Variants in NPAS3 observed in about 807,000 individuals in gnomAD.
The protein encoded by NPAS3 is neuronal PAS domain protein 3.
In NPAS3, 14 loss-of-function variants were observed where a neutral mutation model predicts 73.1. The ratio of observed to expected loss-of-function variants is 0.19; its 90% CI spans 0.13 to 0.30. The LOEUF (loss-of-function observed/expected upper bound fraction) is 0.30. Among genes scored for constraint, NPAS3 ranks in the 10% least tolerant of loss-of-function variants. The probability of loss-of-function intolerance (pLI) is 1.00; values close to 1 mark genes in which losing one functional copy is unlikely to be tolerated. For missense variants in NPAS3, 1,096 were observed against 1,250.0 expected (o/e 0.88, Z 1.86); for synonymous variants, 620 against 541.5 (o/e 1.14, Z -2.01).
chr14:33,044,256 A>G (rs1274984079), intron 1 of NPAS3, among the ~76,000 whole-genome samples: 1 of 152,192 alleles, frequency 6.6e-6, no homozygotes, highest in Non-Finnish European at 1.5e-5. Flanking sequence ...ATTGGGGGTA[A>G]TTTATTGAAT....
chr14:33,150,414 G>C (rs563885428), intron 2 of NPAS3, among the ~76,000 whole-genome samples: 1 of 152,234 alleles, frequency 6.6e-6, no homozygotes, highest in Admixed American at 6.5e-5. Context: ...GCAATAAATT[G>C]GTAGGTTGCG....
chr14:33,645,574 G>A (rs562937168), intron 5 of NPAS3, among the ~76,000 whole-genome samples: 1 of 152,294 alleles, frequency 6.6e-6, no homozygotes, highest in South Asian at 2.1e-4. Context: ...CTAGGAAAAC[G>A]ATTCACTGAA....
intron 2 of NPAS3, among the ~76,000 whole-genome samples, chr14:33,201,311 G>C (rs1177913379): frequency 6.6e-6 from 1 of 152,146 alleles, no homozygotes; most frequent in Non-Finnish European, 1.5e-5. Context: ...GTGTGTGTGT[G>C]TGTGTATGTT....
chr14:33,744,798 A>AAATAAT (rs577889559), intron 7 of NPAS3, among the ~76,000 whole-genome samples: 1 of 151,498 alleles, frequency 6.6e-6, no homozygotes, highest in South Asian at 2.1e-4. Flanking sequence ...CCAAAAAAGC[A>AAATAAT]AATAATAATA....
intron 1 of NPAS3, among the ~76,000 whole-genome samples, chr14:33,024,126 ATGTGTGTGTGTGTATATG>A (rs1405230265): frequency 6.9e-6 from 1 of 144,368 alleles, no homozygotes; most frequent in Non-Finnish European, 1.5e-5. Flanking sequence ...GTGTATATAT[ATGTGTGTGTGTGTATATG>A]TGTGTGTGTG....
At chr14:33,466,909 T>C (rs957833667) in intron 4 of NPAS3, among the ~76,000 whole-genome samples, 1 of 152,208 alleles carries the variant, frequency 6.6e-6, no homozygotes. Flanking sequence ...ACATGAGATT[T>C]GGTGAGGACA....
chr14:33,338,179 A>G (rs1050288235), intron 3 of NPAS3, among the ~76,000 whole-genome samples: 1 of 152,170 alleles, frequency 6.6e-6, no homozygotes, highest in Non-Finnish European at 1.5e-5. Flanking sequence ...AAGGGGAATC[A>G]CACCTGTTGT....
At chr14:33,474,079 C>T (rs2050909827) in intron 4 of NPAS3, among the ~76,000 whole-genome samples, 1 of 152,090 alleles carries the variant, frequency 6.6e-6, no homozygotes, top group South Asian at 2.1e-4. Flanking sequence ...TCCTGCACCC[C>T]ATAGGGAACG....
intron 9 of NPAS3, among the ~76,000 whole-genome samples, chr14:33,783,839 G>A (rs138739551): frequency 6.6e-6 from 1 of 152,270 alleles, no homozygotes; most frequent in East Asian, 1.9e-4. Context: ...CAGCTGACTC[G>A]TATTCATGTG....
chr14:33,540,558 A>G, intron 4 of NPAS3, among the ~76,000 whole-genome samples: 1 of 152,216 alleles, frequency 6.6e-6, no homozygotes, highest in East Asian at 1.9e-4. Flanking sequence ...CTACAACAAG[A>G]CATACTTTTG....
chr14:33,662,102 T>C (rs551021188), intron 5 of NPAS3, among the ~76,000 whole-genome samples: 1 of 152,298 alleles, frequency 6.6e-6, no homozygotes, highest in South Asian at 2.1e-4. Context: ...GGAAGCAAGG[T>C]TTATGGTAGC....
At chr14:33,721,235 C>A (rs1015291675) in intron 6 of NPAS3, among the ~76,000 whole-genome samples, 1 of 152,146 alleles carries the variant, frequency 6.6e-6, no homozygotes, top group Non-Finnish European at 1.5e-5. Context: ...AAATTACTTA[C>A]ATACACACTG....
At position 33,800,671 on chromosome 14, in the gene NPAS3, G is replaced by A. The variant is rs747126258; in HGVS notation, c.2364G>A (p.Gly788=). ...CGTCCAACTCCTTGCTGTACACTGG[G>A]GACCTGGAGGCGCTGCAGAGGTTGC... The change falls in exon 12 of 12, where the codon GGG becomes GGA. Residue 788 remains glycine, a synonymous_variant. Coordinates refer to ENST00000356141, the Ensembl canonical transcript of NPAS3. This position sits in a 1 kb window ranked among gnomAD's most constrained non-coding sequence, Gnocchi z 6.5. 3.9e-6 allele frequency: 6 copies of A among 1,543,280 alleles called. No homozygotes were observed. The African/African-American group carries it at 4.1e-5, about 11-fold the overall frequency.
intron 5 of NPAS3, among the ~76,000 whole-genome samples, chr14:33,573,490 A>G (rs7155523): frequency 0.68 from 104,007 of 152,112 alleles, 36,980 homozygotes; most frequent in African/African-American, 0.88. Flanking sequence ...GACTAACTCT[A>G]CCTGGAGAAG....
intron 2 of NPAS3, among the ~76,000 whole-genome samples, chr14:33,094,934 T>C (rs1025041395): frequency 6.6e-6 from 1 of 152,202 alleles, no homozygotes; most frequent in Admixed American, 6.5e-5. Context: ...GTAACAGGTG[T>C]TTTTCTGAAA....
intron 6 of NPAS3, among the ~76,000 whole-genome samples, chr14:33,732,614 G>T (rs1428426308): frequency 1.3e-5 from 2 of 152,140 alleles, no homozygotes; most frequent in Non-Finnish European, 2.9e-5. Flanking sequence ...CTCTTTCTGG[G>T]TTGCCCTGTC....
At chr14:33,360,597 G>A (rs757211138) in intron 3 of NPAS3, among the ~76,000 whole-genome samples, 3 of 152,114 alleles carry the variant, frequency 2.0e-5, no homozygotes, top group African/African-American at 7.2e-5. Context: ...GAAAGCCTTG[G>A]ATGTTTTTTC....
chr14:33,456,432 G>C (rs1280726027), intron 4 of NPAS3, among the ~76,000 whole-genome samples: 1 of 152,064 alleles, frequency 6.6e-6, no homozygotes, highest in Non-Finnish European at 1.5e-5. Flanking sequence ...TTTTAAAATG[G>C]GGCAGCTCTT....
chr14:33,359,350 T>A (rs2140381721), intron 3 of NPAS3, among the ~76,000 whole-genome samples: 1 of 152,350 alleles, frequency 6.6e-6, no homozygotes, highest in East Asian at 1.9e-4. Flanking sequence ...TTGTAGCAGA[T>A]GTTACAAATG....
Sources: gnomAD v4.1 joint callset for allele counts (sites outside exome capture counted in the v4.1 genomes callset) on GRCh38, gnomAD v4.1.1 for gene constraint, Gnocchi (gnomAD v3.1) non-coding constraint, MANE v1.5 for transcripts, NCBI Gene and HGNC (gene_info 2026-07-23, HGNC 2026-07-21) for gene names.